The following SUN5 variants were observed in gnomAD, a reference collection of about 807,000 sequenced individuals.
The protein encoded by SUN5 is SUN domain-containing protein 5.
SUN5 carries 44 observed loss-of-function variants against 53.7 expected under a neutral mutation model. The ratio of observed to expected loss-of-function variants is 0.82; its 90% CI spans 0.64 to 1.05. SUN5 has a LOEUF of 1.05. Ranked by LOEUF, SUN5 falls within the 50% of genes least tolerant of loss-of-function variation. SUN5 has a pLI of 0.00. For missense variants in SUN5, 433 were observed against 483.8 expected (o/e 0.90, Z 0.98); for synonymous variants, 166 against 179.8 (o/e 0.92, Z 0.62).
intron 1 of SUN5, 76 bp downstream of exon 1, chr20:33,004,188 C>T (rs565686657): frequency 2.1e-5 from 30 of 1,441,112 alleles, no homozygotes; most frequent in Middle Eastern, 2.4e-4. Flanking sequence ...TGCCACTCAT[C>T]TCCAAGGACA....
At chr20:32,993,902 T>G (rs963876389) in intron 8 of SUN5, among the ~76,000 whole-genome samples, 1 of 151,994 alleles carries the variant, frequency 6.6e-6, no homozygotes, top group African/African-American at 2.4e-5. Flanking sequence ...CTAGAAGGGG[T>G]GGTGATGAGT....
At chr20:32,985,496 G>A (rs1350435328) in intron 11 of SUN5, among the ~76,000 whole-genome samples, 2 of 151,842 alleles carry the variant, frequency 1.3e-5, no homozygotes, top group East Asian at 3.9e-4. Flanking sequence ...GGGGCTCCAT[G>A]GTCTCTGAAG....
At chr20:33,004,112 C>T (rs954446871) in intron 1 of SUN5, 152 bp downstream of exon 1, 4 of 770,788 alleles carry the variant, frequency 5.2e-6, no homozygotes, top group Non-Finnish European at 7.5e-6. Context: ...GGCTGGGAGA[C>T]TTTGGGAATA....
intron 8 of SUN5, among the ~76,000 whole-genome samples, chr20:32,993,946 GC>G (rs1989773162): frequency 6.6e-6 from 1 of 152,196 alleles, no homozygotes; most frequent in Non-Finnish European, 1.5e-5. Context: ...TCACCTGGGG[GC>G]ACTAAATCAA....
chr20:33,004,082 T>C (rs1415770463), intron 1 of SUN5, among the ~76,000 whole-genome samples, 182 bp downstream of exon 1: 1 of 152,214 alleles, frequency 6.6e-6, no homozygotes, highest in Non-Finnish European at 1.5e-5. Flanking sequence ...GCTGGAAGGA[T>C]GGCTGCTTCA....
chr20:33,001,254 G>C lies in SUN5; in HGVS notation c.236C>G (p.Ser79Cys), dbSNP rs1989999480. The part of the protein sequence containing the change: ...CVSWFTCFAC[S>C]LRTQAQQVLF... The stretch of plus-strand genomic sequence containing the variant: ...AACCTGCTGGGCCTGAGTTCTCAGG[G>C]AGCAGGCAAAACAGGTGAACCAGGC... Residue 79 changes from serine to cysteine, a missense_variant, in exon 4 of 13, where the codon TCC becomes TGC. Coordinates refer to ENST00000356173, the MANE Select transcript of SUN5 (RefSeq NM_080675.4). 5.1e-6 allele frequency: 8 copies of C among 1,577,894 alleles called. No homozygotes were observed. Among genetic ancestry groups the C allele is most frequent in the Non-Finnish European group, 6.9e-6 (8 of 1,159,348 alleles).
Position 32,985,098 on chromosome 20 carries a change from C to A in SUN5, c.984+1G>T. 1.2e-6 allele frequency: 2 copies of A among 1,614,048 alleles called. No individual in the cohort carries two copies. The highest frequency in any genetic ancestry group is 1.7e-6 in the Non-Finnish European group (2 of 1,179,960). On this transcript the variant is annotated splice_donor_variant, in intron 12 of 12. Coordinates refer to ENST00000356173, the MANE Select transcript of SUN5 (RefSeq NM_080675.4). LOFTEE classifies it high-confidence loss of function. Reference sequence around the variant, plus strand: ...CAGCACAGGCAGCTCTTCGCAGGTACCTGGAGTGGGAACATCTGGATGATG... The same window carrying A: ...CAGCACAGGCAGCTCTTCGCAGGTAACTGGAGTGGGAACATCTGGATGATG...
At chr20:32,997,536 G>T in intron 6 of SUN5, 102 bp downstream of exon 6, 2 of 1,277,626 alleles carry the variant, frequency 1.6e-6, no homozygotes, top group East Asian at 2.4e-5. Flanking sequence ...AGGAACTGAT[G>T]AGGGGCCCCA....
At chr20:33,002,712 C>T in intron 2 of SUN5, 51 bp from the exon 3 acceptor site, 1 of 1,609,848 alleles carries the variant, frequency 6.2e-7, no homozygotes, top group Non-Finnish European at 8.5e-7. Flanking sequence ...TGATTTGGTG[C>T]TTGCAGAGAC....
chr20:32,988,699 C>T (rs1042537057), intron 9 of SUN5, among the ~76,000 whole-genome samples: 12 of 151,838 alleles, frequency 7.9e-5, no homozygotes, highest in Non-Finnish European at 1.5e-4. Context: ...AACGATTCTC[C>T]TGCCTCAGCC....
intron 8 of SUN5, among the ~76,000 whole-genome samples, chr20:32,994,728 G>A (rs573947330): frequency 6.6e-6 from 1 of 152,186 alleles, no homozygotes; most frequent in East Asian, 1.9e-4. Context: ...GTGAAACCCT[G>A]TCTCCACTAA....
At chr20:32,987,569 C>A in intron 10 of SUN5, 91 bp downstream of exon 10, 4 of 732,174 alleles carry the variant, frequency 5.5e-6, no homozygotes, top group Admixed American at 2.7e-5. Flanking sequence ...TCCCTTTGCT[C>A]CCACCCCCTA....
rs1015045072 is a variant in SUN5 at position 32,989,755 on chromosome 20, C to G, written c.535-57G>C. 2.1e-5 allele frequency: 31 copies of G among 1,453,088 alleles called. No homozygotes were observed. In the Middle Eastern group the frequency reaches 5.2e-4, roughly 24 times the overall value. 90.0% of individuals were successfully genotyped at this position (1,453,088 alleles called of 1,614,324 possible). ...GGTGTGTTGTCACGGACTGTGATCC[C>G]CACGTGTCCACGGGAGGTAACAGGG... On this transcript the variant is annotated intron_variant, in intron 8 of 12. Coordinates refer to ENST00000356173, the MANE Select transcript of SUN5 (RefSeq NM_080675.4).
At chr20:32,984,772 G>T (rs951972807) in intron 12 of SUN5, among the ~76,000 whole-genome samples, 6 of 152,216 alleles carry the variant, frequency 3.9e-5, no homozygotes, top group Admixed American at 1.3e-4. Flanking sequence ...CCACTACGGA[G>T]ACTCTACCTT....
intron 1 of SUN5, 150 bp from the exon 2 acceptor site, chr20:33,003,069 C>A: frequency 1.2e-6 from 1 of 841,662 alleles, no homozygotes; most frequent in Non-Finnish European, 1.8e-6. Flanking sequence ...AGACCCAGGT[C>A]TGGCTGACCC....
At position 33,001,194 on chromosome 20, in the gene SUN5, C is replaced by G. The variant is rs200492352; in HGVS notation, c.278+18G>C. The G allele has an allele frequency of 8.8e-5, 138 of 1,563,528 alleles. No homozygotes were observed. In the East Asian group the frequency reaches 3.1e-3, roughly 35 times the overall value. The stretch of plus-strand genomic sequence containing the variant: ...TTTCCCACTCCCCATCCACCCTCCC[C>G]CTGCCTTCCCTGCTCACCTGCACGT... On this transcript the variant is annotated intron_variant, in intron 4 of 12. Coordinates refer to ENST00000356173, the MANE Select transcript of SUN5 (RefSeq NM_080675.4).
At chr20:32,998,489 A>C (rs1458957602) in intron 5 of SUN5, among the ~76,000 whole-genome samples, 1 of 152,168 alleles carries the variant, frequency 6.6e-6, no homozygotes, top group Non-Finnish European at 1.5e-5. Context: ...CCAAAAAACA[A>C]AAACAGCCTT....
intron 3 of SUN5, among the ~76,000 whole-genome samples, chr20:33,001,582 T>C (rs60486270): frequency 0.059 from 7,811 of 133,486 alleles, 737 homozygotes; most frequent in African/African-American, 0.21. Flanking sequence ...TTCCTTCCTT[T>C]CTTTCTTTTT....
Position 32,984,752 on chromosome 20 carries a change from A to G in SUN5, c.984+347T>C, listed in dbSNP as rs899875330. Among the ~76,000 whole-genome samples, 10 of 152,290 alleles carry G rather than the reference A, an allele frequency of 6.6e-5. No homozygotes were observed. The East Asian group carries it at 1.7e-3, about 27-fold the overall frequency. On this transcript the variant is annotated intron_variant, in intron 12 of 12. Coordinates refer to ENST00000356173, the MANE Select transcript of SUN5 (RefSeq NM_080675.4). ...CCTGTGGTTGGATCCAGTGATAATT[A>G]TGGGGCCACCCACTACGGAGACTCT... is the stretch of plus-strand genomic sequence containing the variant.
Sources: gnomAD v4.1 joint callset for allele counts (sites outside exome capture counted in the v4.1 genomes callset) on GRCh38, gnomAD v4.1.1 for gene constraint, MANE v1.5 for transcripts, NCBI Gene and HGNC (gene_info 2026-07-23, HGNC 2026-07-21) for gene names.